TNFSF8: variants seen among roughly 807,000 people sequenced by gnomAD.
TNFSF8 encodes the protein TNF superfamily member 8.
Under a neutral mutation model 22.0 loss-of-function variants are expected in TNFSF8, and 4 were observed. That is an observed-to-expected ratio of 0.18 (90% CI 0.09 to 0.42). The LOEUF is 0.42. Among genes scored for constraint, TNFSF8 ranks in the 10% least tolerant of loss-of-function variants. TNFSF8 has a pLI of 1.00. For missense variants in TNFSF8, 233 were observed against 281.8 expected (o/e 0.83, Z 1.24); for synonymous variants, 106 against 112.5 (o/e 0.94, Z 0.37).
At chr9:114,910,005 C>T (rs972409974) in intron 2 of TNFSF8, among the ~76,000 whole-genome samples, 5 of 152,200 alleles carry the variant, frequency 3.3e-5, no homozygotes, top group Non-Finnish European at 5.9e-5. Context: ...GGACCAGAGA[C>T]CAGGGCTCCT....
chr9:114,901,621 T>A lies in TNFSF8; in HGVS notation c.*2310A>T, dbSNP rs1827717923. 1.0e-6 allele frequency: 1 copy of A among 985,332 alleles called. No individual in the cohort carries two copies. 61.0% of individuals were successfully genotyped at this position (985,332 alleles called of 1,614,324 possible). On this transcript the variant is annotated 3_prime_UTR_variant, in exon 4 of 4. Coordinates refer to ENST00000223795, the MANE Select transcript of TNFSF8 (RefSeq NM_001244.4). ...ATTCATTTGTCCTATGCAGTTAGTGTGTGACTCAAATGCCAGCCATTTCCC... is the reference window on the plus strand; with the variant it reads ...ATTCATTTGTCCTATGCAGTTAGTGAGTGACTCAAATGCCAGCCATTTCCC...
At chr9:114,926,919 T>A (rs907771096) in intron 1 of TNFSF8, among the ~76,000 whole-genome samples, 1 of 147,588 alleles carries the variant, frequency 6.8e-6, no homozygotes, top group African/African-American at 2.5e-5. Flanking sequence ...CTAATATAAA[T>A]ATTATAAAAT....
At chr9:114,911,800 T>C (rs1204062082) in intron 2 of TNFSF8, among the ~76,000 whole-genome samples, 1 of 152,064 alleles carries the variant, frequency 6.6e-6, no homozygotes, top group African/African-American at 2.4e-5. Flanking sequence ...GCAGTGTATC[T>C]GCAACAGTTA....
At chr9:114,900,741 A>T (rs1009190059), downstream of TNFSF8, among the ~76,000 whole-genome samples, 9 of 152,286 alleles carry the variant, frequency 5.9e-5, no homozygotes, top group African/African-American at 2.2e-4. Flanking sequence ...TAGCTCTTTG[A>T]GAGGCCATGG....
At chr9:114,896,938 G>C (rs906139637), downstream of TNFSF8, among the ~76,000 whole-genome samples, 2 of 151,634 alleles carry the variant, frequency 1.3e-5, no homozygotes, top group African/African-American at 4.9e-5. Flanking sequence ...TTTCACTCTT[G>C]TTGCCCAGGC....
chr9:114,904,400 T>A, intron 3 of TNFSF8, 75 bp from the exon 4 acceptor site: 1 of 1,516,546 alleles, frequency 6.6e-7, no homozygotes, highest in Non-Finnish European at 8.8e-7. Flanking sequence ...AAGTCTTTGT[T>A]CAAAGTTTCC....
intron 1 of TNFSF8, among the ~76,000 whole-genome samples, chr9:114,922,564 C>T (rs758371745): frequency 2.0e-5 from 3 of 152,092 alleles, no homozygotes; most frequent in Non-Finnish European, 2.9e-5. Flanking sequence ...CCACAGGTGG[C>T]GAATAGCACA....
Position 114,901,518 on chromosome 9 carries a change from T to A in TNFSF8, c.*2413A>T. 5.1e-6 allele frequency: 5 copies of A among 985,200 alleles called. No homozygotes were observed. Among genetic ancestry groups the A allele is most frequent in the Non-Finnish European group, 6.0e-6 (5 of 829,738 alleles). The allele number at this position is 985,200 out of a possible 1,614,324, so 61.0% of individuals were successfully genotyped here. A position where few individuals can be genotyped will look rare whatever the true frequency, so the allele number is the denominator to read the frequency against. On this transcript the variant is annotated 3_prime_UTR_variant, in exon 4 of 4. Transcript: ENST00000223795. ...ATCTTTCTCGAGTTAGAATGTGAGA[T>A]GGCAAAAAAATTGCTTAGTTAACAC...
intron 1 of TNFSF8, among the ~76,000 whole-genome samples, chr9:114,927,391 C>A (rs1364924392): frequency 6.6e-6 from 1 of 151,904 alleles, no homozygotes; most frequent in African/African-American, 2.4e-5. Context: ...ATCTTCAAGT[C>A]AAACCTCAAG....
chr9:114,917,961 C>A, intron 2 of TNFSF8, 135 bp downstream of exon 2: 1 of 775,622 alleles, frequency 1.3e-6, no homozygotes, highest in Admixed American at 3.3e-5. Context: ...CCTGAACAGC[C>A]CTTGCCTCCA....
Position 114,902,752 on chromosome 9 carries a change from T to C in TNFSF8, c.*1179A>G, listed in dbSNP as rs574857093. The C allele has an allele frequency of 1.0e-6, 1 of 985,468 alleles. No individual in the cohort carries two copies. Among genetic ancestry groups the C allele is most frequent in the South Asian group, 4.7e-5 (1 of 21,284 alleles). 61.0% of individuals were successfully genotyped at this position (985,468 alleles called of 1,614,324 possible). The stretch of plus-strand genomic sequence containing the variant: ...GAATCTCAGTTCCCAGGGTCTGGTC[T>C]TCTGAGATGGAAGAGGTTTTGAAGC... On this transcript the variant is annotated 3_prime_UTR_variant, in exon 4 of 4. Transcript: ENST00000223795.
At chr9:114,919,814 C>T (rs995001347) in intron 1 of TNFSF8, among the ~76,000 whole-genome samples, 19 of 152,146 alleles carry the variant, frequency 1.2e-4, no homozygotes, top group African/African-American at 4.6e-4. Flanking sequence ...ATTTGCCTTC[C>T]GCTGAAAGCT....
At chr9:114,904,466 A>C in intron 3 of TNFSF8, 141 bp from the exon 4 acceptor site, 2 of 1,250,626 alleles carry the variant, frequency 1.6e-6, no homozygotes, top group Non-Finnish European at 2.2e-6. Context: ...CTTCCATGTT[A>C]CTCCCTCTAG....
At chr9:114,914,398 G>A (rs1052573330) in intron 2 of TNFSF8, among the ~76,000 whole-genome samples, 3 of 152,166 alleles carry the variant, frequency 2.0e-5, no homozygotes, top group Non-Finnish European at 4.4e-5. Context: ...GGAAATCAAG[G>A]CAAAAGTGGC....
At chr9:114,919,152 A>G (rs1189910097) in intron 1 of TNFSF8, among the ~76,000 whole-genome samples, 2 of 152,060 alleles carry the variant, frequency 1.3e-5, no homozygotes, top group Non-Finnish European at 2.9e-5. Flanking sequence ...CATTGTGAGG[A>G]CACCATACAT....
Position 114,903,633 on chromosome 9 carries a change from G to T in TNFSF8, c.*298C>A. On this transcript the variant is annotated 3_prime_UTR_variant, in exon 4 of 4. Coordinates refer to ENST00000223795, the MANE Select transcript of TNFSF8 (RefSeq NM_001244.4). The stretch of plus-strand genomic sequence containing the variant: ...TCTCAAAACAGAAGAAATAGATCAA[G>T]ACCATACAGTGAATTAGAGGTTGGG... 2 of 982,658 alleles carry T rather than the reference G, an allele frequency of 2.0e-6. No homozygotes were observed. Among genetic ancestry groups the T allele is most frequent in the African/African-American group, 1.7e-5 (1 of 58,370 alleles). 60.9% of individuals were successfully genotyped at this position (982,658 alleles called of 1,614,324 possible).
intron 1 of TNFSF8, among the ~76,000 whole-genome samples, chr9:114,922,811 T>C (rs1273325952): frequency 6.6e-6 from 1 of 152,174 alleles, no homozygotes; most frequent in Non-Finnish European, 1.5e-5. Context: ...TCTCCCACTT[T>C]AAAAGACTGA....
intron 2 of TNFSF8, among the ~76,000 whole-genome samples, chr9:114,911,886 G>A (rs1827855964): frequency 6.6e-6 from 1 of 152,084 alleles, no homozygotes; most frequent in Non-Finnish European, 1.5e-5. Context: ...ACATTACTGT[G>A]GGTAAGTAAG....
intron 2 of TNFSF8, among the ~76,000 whole-genome samples, chr9:114,917,303 G>C (rs1434444940): frequency 6.6e-6 from 1 of 152,222 alleles, no homozygotes; most frequent in Admixed American, 6.5e-5. Flanking sequence ...ATGGGAGTTG[G>C]TGTTCTTGGG....
Sources: gnomAD v4.1 joint callset for allele counts (sites outside exome capture counted in the v4.1 genomes callset) on GRCh38, gnomAD v4.1.1 for gene constraint, MANE v1.5 for transcripts, NCBI Gene and HGNC (gene_info 2026-07-23, HGNC 2026-07-21) for gene names.